The following IFI44L variants were observed in gnomAD, a reference collection of about 807,000 sequenced individuals.
The protein encoded by IFI44L is interferon induced protein 44 like, also known as interferon-induced protein 44-like.
In IFI44L, 40 loss-of-function variants were observed where a neutral mutation model predicts 39.3. The observed-to-expected ratio is 1.02, with a 90% CI of 0.79 to 1.33. The LOEUF (loss-of-function observed/expected upper bound fraction) is 1.33, where lower values mean the gene tolerates loss of function less well. IFI44L is among the 40% of genes most tolerant of loss of function. The pLI is 0.00. For synonymous variants in IFI44L, 198 were observed against 182.3 expected, an observed-to-expected ratio of 1.09 and a Z score of -0.69; for missense variants, 623 against 549.0, an observed-to-expected ratio of 1.13 and a Z score of -1.35.
At chr1:78,632,775 A>G (rs1016333591) in intron 4 of IFI44L, among the ~76,000 whole-genome samples, 1 of 152,210 alleles carries the variant, frequency 6.6e-6, no homozygotes, top group African/African-American at 2.4e-5. Context: ...TTGGAGCCAC[A>G]TATGAGATTA....
Position 78,628,931 on chromosome 1 carries a change from G to A in IFI44L, c.479-20G>A. 6.9e-7 allele frequency: 1 copy of A among 1,449,744 alleles called. No individual in the cohort carries two copies. The highest frequency in any genetic ancestry group is 1.2e-5 in the South Asian group (1 of 86,188). 89.8% of individuals were successfully genotyped at this position (1,449,744 alleles called of 1,614,324 possible). A position where few individuals can be genotyped will look rare whatever the true frequency, so the allele number is the denominator to read the frequency against. On this transcript the variant is annotated intron_variant, in intron 2 of 8. Transcript: ENST00000370751. ...CAAACAAGTTTTAAAAATGTATTATGCTATGTTTATTTCCTATAGGAATTA... is the reference window on the plus strand; with the variant it reads ...CAAACAAGTTTTAAAAATGTATTATACTATGTTTATTTCCTATAGGAATTA...
intron 4 of IFI44L, among the ~76,000 whole-genome samples, chr1:78,632,732 A>G (rs558891343): frequency 6.6e-6 from 1 of 152,342 alleles, no homozygotes; most frequent in Admixed American, 6.5e-5. Flanking sequence ...TTCTTCACAT[A>G]CTTCAATTGA....
rs577392405 is a variant in IFI44L at position 78,630,159 on chromosome 1, CA to C, written c.723+250del. 21 of 386,930 alleles carry C rather than the reference CA, an allele frequency of 5.4e-5. 2 individuals carry two copies. The South Asian group carries it at 9.8e-4, about 18-fold the overall frequency. The allele number at this position is 386,930 out of a possible 1,614,324, so 24.0% of individuals were successfully genotyped here. A position where few individuals can be genotyped will look rare whatever the true frequency, so the allele number is the denominator to read the frequency against. ...TTTTTAGTATTTGTATAAAAAACAA[CA>C]AAAAATTAAAAACCCTATGAAAATC... is the stretch of plus-strand genomic sequence containing the variant. On this transcript the variant is annotated intron_variant, in intron 4 of 8. Coordinates refer to ENST00000370751, the MANE Select transcript of IFI44L (RefSeq NM_006820.4).
At chr1:78,623,539 A>G (rs1175892535) in intron 1 of IFI44L, among the ~76,000 whole-genome samples, 1 of 151,954 alleles carries the variant, frequency 6.6e-6, no homozygotes, top group Non-Finnish European at 1.5e-5. Context: ...AAAAAAATAA[A>G]ATTAAAAAAA....
At chr1:78,621,364 T>C (rs1327184521) in intron 1 of IFI44L, among the ~76,000 whole-genome samples, 1 of 152,150 alleles carries the variant, frequency 6.6e-6, no homozygotes, top group African/African-American at 2.4e-5. Context: ...CTCAGCCTCC[T>C]GGGTTCAAGG....
At chr1:78,635,557 C>A (rs1652917532) in intron 5 of IFI44L, 68 bp downstream of exon 5, 3 of 1,459,838 alleles carry the variant, frequency 2.1e-6, no homozygotes, top group Non-Finnish European at 2.9e-6. Context: ...GAATTTTTAA[C>A]CACATAAGGC....
chr1:78,632,058 T>C (rs1652768511), intron 4 of IFI44L, among the ~76,000 whole-genome samples: 1 of 151,490 alleles, frequency 6.6e-6, no homozygotes, highest in African/African-American at 2.5e-5. Flanking sequence ...CATAAAGTAC[T>C]TCTAATGCAT....
Position 78,641,808 on chromosome 1 carries a change from G to A in IFI44L, c.1358G>A (p.Ter453=), listed in dbSNP as rs979532590. The change falls in exon 9 of 9, where the codon TGA becomes TAA. Residue 453 remains the stop codon, a stop_retained_variant. Transcript: ENST00000370751. ...AIERALQPCI[*] Reference sequence around the variant, plus strand: ...GAGAGAGCGTTACAGCCCTGCATTTGAGATAAGTTGCCTTGATTCTGACAT... The same window carrying A: ...GAGAGAGCGTTACAGCCCTGCATTTAAGATAAGTTGCCTTGATTCTGACAT... 1.2e-6 allele frequency: 2 copies of A among 1,613,560 alleles called. No individual in the cohort carries two copies. The highest frequency in any genetic ancestry group is 1.7e-6 in the Non-Finnish European group (2 of 1,179,552).
At chr1:78,635,096 A>G (rs1318738542) in intron 4 of IFI44L, among the ~76,000 whole-genome samples, 1 of 151,524 alleles carries the variant, frequency 6.6e-6, no homozygotes, top group African/African-American at 2.4e-5. Flanking sequence ...TTAATTAAAA[A>G]GGAATATTTA....
chr1:78,634,770 G>A (rs1275578347), intron 4 of IFI44L, among the ~76,000 whole-genome samples: 1 of 151,246 alleles, frequency 6.6e-6, no homozygotes, highest in Non-Finnish European at 1.5e-5. Flanking sequence ...CATGCAATAT[G>A]GAAAGATGTA....
intron 1 of IFI44L, among the ~76,000 whole-genome samples, chr1:78,623,234 T>C (rs1210706815): frequency 6.6e-6 from 1 of 152,172 alleles, no homozygotes; most frequent in African/African-American, 2.4e-5. Flanking sequence ...CAGTATTATG[T>C]TGAATAGAAG....
chr1:78,630,793 C>T (rs2100489875), intron 4 of IFI44L, among the ~76,000 whole-genome samples: 1 of 152,178 alleles, frequency 6.6e-6, no homozygotes, highest in South Asian at 2.1e-4. Context: ...TTGATGTTGG[C>T]CAGATACTGT....
intron 1 of IFI44L, among the ~76,000 whole-genome samples, chr1:78,624,665 A>G (rs1652417439): frequency 6.6e-6 from 1 of 152,202 alleles, no homozygotes; most frequent in Admixed American, 6.5e-5. Flanking sequence ...TGGATAAAGT[A>G]TTGAAAGTGG....
chr1:78,636,640 T>A (rs1260306478), intron 5 of IFI44L: 2 of 157,010 alleles, frequency 1.3e-5, no homozygotes, highest in African/African-American at 4.8e-5. Flanking sequence ...TTTCTTTCTT[T>A]TATTCTCTCT....
intron 1 of IFI44L, chr1:78,627,510 T>A (rs1484128825): frequency 6.5e-6 from 1 of 152,986 alleles, no homozygotes; most frequent in East Asian, 1.9e-4. Context: ...TGCTCTCTTG[T>A]TTACATATTA....
Position 78,643,649 on chromosome 1 carries a change from GTTGT to G in IFI44L, c.*1843_*1846del, listed in dbSNP as rs1557693232. The G allele has an allele frequency of 8.8e-5, 8 of 90,574 alleles. No homozygotes were observed. Among genetic ancestry groups the G allele is most frequent in the African/African-American group, 2.5e-4 (8 of 32,314 alleles). 5.6% of individuals were successfully genotyped at this position (90,574 alleles called of 1,614,324 possible). ...TTGTTTGTTTTGTTTTTTTTTTGTTGTTGTTTTTTTTTTTTTTTGTTTTTTTGCT... is the reference window on the plus strand; with the variant it reads ...TTGTTTGTTTTGTTTTTTTTTTGTTGTTTTTTTTTTTTTTGTTTTTTTGCT... On this transcript the variant is annotated 3_prime_UTR_variant, in exon 9 of 9. Coordinates refer to ENST00000370751, the MANE Select transcript of IFI44L (RefSeq NM_006820.4).
chr1:78,636,283 T>A (rs74092038), intron 5 of IFI44L, among the ~76,000 whole-genome samples: 1 of 152,124 alleles, frequency 6.6e-6, no homozygotes, highest in African/African-American at 2.4e-5. Flanking sequence ...ACAATCCTTA[T>A]CCTCCAGGAG....
At chr1:78,629,139 A>C (rs1652618652) in intron 3 of IFI44L, 140 bp downstream of exon 3, 2 of 654,378 alleles carry the variant, frequency 3.1e-6, no homozygotes, top group Non-Finnish European at 5.4e-6. Flanking sequence ...GACATAAAAT[A>C]ACAAAAGCAC....
chr1:78,628,993 C>T lies in IFI44L; in HGVS notation c.521C>T (p.Ala174Val). 1.9e-6 allele frequency: 3 copies of T among 1,573,622 alleles called. No homozygotes were observed. Among genetic ancestry groups the T allele is most frequent in the East Asian group, 2.2e-5 (1 of 44,562 alleles). Residue 174 changes from alanine (A) to valine (V), a missense_variant, in exon 3 of 9, where the codon GCC becomes GTC. Ala to Val is a moderately conservative substitution (Grantham distance 64, BLOSUM62 0). Coordinates refer to ENST00000370751, the MANE Select transcript of IFI44L (RefSeq NM_006820.4). ...GACGACATAAAGAGGATAATTAAAG[C>T]CAGAGAGTAAGTTGGATTCTTGGGC... ...NLDDIKRIIK[A>V]REHRNRLLAD...
Sources: allele counts gnomAD v4.1 joint callset (sites outside exome capture counted in the v4.1 genomes callset), GRCh38; gene constraint gnomAD v4.1.1; transcripts MANE v1.5; gene names NCBI Gene and HGNC (gene_info 2026-07-23, HGNC 2026-07-21).